Variants in RARB observed in about 807,000 individuals in gnomAD.
RARB encodes the protein retinoic acid receptor beta, also known as HBV-activated protein.
A neutral mutation model predicts 51.9 loss-of-function variants in RARB; 17 were observed. That is an observed-to-expected ratio of 0.33 (90% CI 0.22 to 0.49). The LOEUF (loss-of-function observed/expected upper bound fraction) is 0.49. RARB is among the 20% of genes least tolerant of loss of function. The pLI, the probability that RARB is intolerant of heterozygous loss-of-function variation, is 0.99. For synonymous variants in RARB, 215 were observed against 195.4 expected (o/e 1.10, Z -0.84); for missense variants, 369 against 550.8 (o/e 0.67, Z 3.30).
intron 5 of RARB, among the ~76,000 whole-genome samples, chr3:25,284,692 C>T (rs1245906111): frequency 2.0e-5 from 3 of 152,106 alleles, no homozygotes; most frequent in Non-Finnish European, 4.4e-5. Flanking sequence ...AAGTCAGAAC[C>T]TCGACTCACA....
intron 5 of RARB, among the ~76,000 whole-genome samples, chr3:25,222,399 C>G (rs1389442453): frequency 6.6e-6 from 1 of 152,158 alleles, no homozygotes; most frequent in Non-Finnish European, 1.5e-5. Context: ...GGGTACGTAA[C>G]TGAGTCACTT....
chr3:25,222,558 A>G (rs1701970191), intron 5 of RARB, among the ~76,000 whole-genome samples: 1 of 152,222 alleles, frequency 6.6e-6, no homozygotes, highest in African/African-American at 2.4e-5. Context: ...AGAAGATAGA[A>G]AAAAAGATAT....
intron 5 of RARB, among the ~76,000 whole-genome samples, chr3:25,267,124 G>C (rs1331580989): frequency 1.3e-5 from 2 of 152,164 alleles, no homozygotes; most frequent in Non-Finnish European, 2.9e-5. Context: ...ATACAACAGA[G>C]GCCTTAGCTA....
chr3:25,112,786 A>G (rs1338464478), intron 3 of RARB, among the ~76,000 whole-genome samples: 1 of 152,106 alleles, frequency 6.6e-6, no homozygotes, highest in Non-Finnish European at 1.5e-5. Context: ...TAAAAAAGGG[A>G]AAAAAAGCCA....
chr3:25,509,113 C>A (rs1697756535), intron 3 of RARB, among the ~76,000 whole-genome samples: 2 of 152,150 alleles, frequency 1.3e-5, no homozygotes, highest in Admixed American at 1.3e-4. Context: ...TAGAACAGCA[C>A]AGGGCAAAGA....
At chr3:25,138,205 G>A (rs1700059710) in intron 4 of RARB, among the ~76,000 whole-genome samples, 1 of 152,062 alleles carries the variant, frequency 6.6e-6, no homozygotes, top group Admixed American at 6.6e-5. Flanking sequence ...GGAGACTTTT[G>A]GGGAATAGTC....
intron 4 of RARB, among the ~76,000 whole-genome samples, chr3:25,167,358 G>C (rs887191369): frequency 2.4e-4 from 37 of 152,316 alleles, no homozygotes; most frequent in African/African-American, 8.7e-4. Flanking sequence ...AAGAATATGA[G>C]TGATGCTAAT....
chr3:25,208,964 C>T (rs764520329), intron 5 of RARB, among the ~76,000 whole-genome samples: 1 of 152,136 alleles, frequency 6.6e-6, no homozygotes, highest in Non-Finnish European at 1.5e-5. Context: ...AGCAGACTAC[C>T]CTGGGTCTAG....
intron 2 of RARB, among the ~76,000 whole-genome samples, chr3:24,891,868 C>T (rs897080818): frequency 1.3e-3 from 167 of 129,496 alleles, no homozygotes; most frequent in African/African-American, 3.9e-3. Context: ...GCCTAGAGCC[C>T]GGGGCATACC....
At chr3:25,186,609 T>C (rs964231320) in intron 5 of RARB, among the ~76,000 whole-genome samples, 2 of 152,094 alleles carry the variant, frequency 1.3e-5, no homozygotes, top group Non-Finnish European at 2.9e-5. Context: ...TGAAAATTTA[T>C]ACACCACGAA....
chr3:25,320,360 A>G (rs1280875987), intron 5 of RARB, among the ~76,000 whole-genome samples: 3 of 152,154 alleles, frequency 2.0e-5, no homozygotes, highest in Admixed American at 6.5e-5. Flanking sequence ...CTGTAGTAGT[A>G]CTTTCACACC....
At chr3:25,452,693 C>T (rs1709246608) in intron 1 of RARB, among the ~76,000 whole-genome samples, 1 of 151,922 alleles carries the variant, frequency 6.6e-6, no homozygotes, top group Non-Finnish European at 1.5e-5. Context: ...TAATAGTAAA[C>T]ATATTAAGTC....
At chr3:24,956,091 A>C (rs1163684784) in intron 2 of RARB, among the ~76,000 whole-genome samples, 1 of 152,116 alleles carries the variant, frequency 6.6e-6, no homozygotes, top group Non-Finnish European at 1.5e-5. Flanking sequence ...CGGGGTTAGA[A>C]AGATGAGAGA....
intron 5 of RARB, among the ~76,000 whole-genome samples, chr3:25,193,813 A>C (rs1701161929): frequency 1.3e-5 from 2 of 151,976 alleles, no homozygotes; most frequent in South Asian, 4.1e-4. Context: ...AACGTGCAAT[A>C]TTTACATTTT....
intron 5 of RARB, among the ~76,000 whole-genome samples, chr3:25,330,731 G>A (rs1484946580): frequency 6.6e-6 from 1 of 152,168 alleles, no homozygotes; most frequent in Admixed American, 6.5e-5. Context: ...ATTGGATAAA[G>A]AGTCAAGACC....
intron 2 of RARB, among the ~76,000 whole-genome samples, chr3:24,970,621 C>G (rs1029679243): frequency 4.7e-4 from 61 of 130,970 alleles, no homozygotes; most frequent in African/African-American, 1.5e-3. Context: ...ACCCCCTCTG[C>G]TACCACCTGT....
intron 2 of RARB, among the ~76,000 whole-genome samples, chr3:25,493,389 G>T (rs563545990): frequency 6.6e-6 from 1 of 152,144 alleles, no homozygotes; most frequent in African/African-American, 2.4e-5. Flanking sequence ...TAAAAACCAT[G>T]TTTCCCAGAG....
intron 5 of RARB, among the ~76,000 whole-genome samples, chr3:25,236,606 A>G (rs1702305652): frequency 6.6e-6 from 1 of 152,144 alleles, no homozygotes; most frequent in East Asian, 1.9e-4. Flanking sequence ...TCTTCCCTTC[A>G]CTATGCACTT....
intron 5 of RARB, among the ~76,000 whole-genome samples, chr3:25,183,989 T>A (rs1700919103): frequency 6.6e-6 from 1 of 152,172 alleles, no homozygotes; most frequent in Admixed American, 6.5e-5. Context: ...TGAGGTAACC[T>A]AGGGTTTCAC....
Sources: allele counts gnomAD v4.1 joint callset (sites outside exome capture counted in the v4.1 genomes callset), GRCh38; gene constraint gnomAD v4.1.1; transcripts MANE v1.5; gene names NCBI Gene and HGNC (gene_info 2026-07-23, HGNC 2026-07-21).